The following PTCSC3 variants were observed in gnomAD, a reference collection of about 807,000 sequenced individuals.
The protein encoded by PTCSC3 is papillary thyroid carcinoma susceptibility candidate 3 (non-protein coding).
At chr14:36,172,905 G>A (rs1882214537) in intron 1 of PTCSC3, among the ~76,000 whole-genome samples, 1 of 151,722 alleles carries the variant, frequency 6.6e-6, no homozygotes. Context: ...TGATCATAAA[G>A]TAATTGGCTC....
intron 1 of PTCSC3, among the ~76,000 whole-genome samples, chr14:36,168,481 T>C (rs1882137718): frequency 6.6e-6 from 1 of 151,134 alleles, no homozygotes; most frequent in Admixed American, 6.6e-5. Flanking sequence ...CTAGTTAAGG[T>C]TGGAAGGATT....
At chr14:36,146,681 A>G (rs904059241) in intron 3 of PTCSC3, among the ~76,000 whole-genome samples, 3 of 151,886 alleles carry the variant, frequency 2.0e-5, no homozygotes, top group Admixed American at 2.0e-4. Context: ...TAATATTGTT[A>G]TGTGTGAATT....
chr14:36,137,869 A>T (rs1033640480), intron 3 of PTCSC3, among the ~76,000 whole-genome samples: 1 of 152,206 alleles, frequency 6.6e-6, no homozygotes, highest in Non-Finnish European at 1.5e-5. Context: ...GATGATGAGT[A>T]GATTATTGGC....
At chr14:36,170,384 C>CTT (rs1025586418) in intron 1 of PTCSC3, among the ~76,000 whole-genome samples, 1 of 152,054 alleles carries the variant, frequency 6.6e-6, no homozygotes, top group Non-Finnish European at 1.5e-5. Flanking sequence ...CAACCAGTTC[C>CTT]TTTAAGATTT....
At chr14:36,143,533 A>G (rs1366071868) in intron 3 of PTCSC3, among the ~76,000 whole-genome samples, 3 of 147,310 alleles carry the variant, frequency 2.0e-5, no homozygotes, top group African/African-American at 7.5e-5. Flanking sequence ...AATTTGCTTG[A>G]GTTCATTGTA....
chr14:36,164,592 TA>T (rs556270525), intron 1 of PTCSC3, among the ~76,000 whole-genome samples: 4,348 of 27,894 alleles, frequency 0.16, 153 homozygotes, highest in Admixed American at 0.32. Flanking sequence ...AACTATTTTT[TA>T]TTTTTTATAA....
chr14:36,136,583 G>A (rs1443580368), intron 3 of PTCSC3, among the ~76,000 whole-genome samples: 1 of 152,124 alleles, frequency 6.6e-6, no homozygotes, highest in African/African-American at 2.4e-5. Context: ...AGTAAGAATG[G>A]AAGTATGAGG....
chr14:36,147,150 C>T (rs1428229888), intron 3 of PTCSC3, among the ~76,000 whole-genome samples: 2 of 152,108 alleles, frequency 1.3e-5, no homozygotes, highest in African/African-American at 4.8e-5. Context: ...CTTGGAGTTG[C>T]TCTTCTGGAG....
intron 3 of PTCSC3, among the ~76,000 whole-genome samples, chr14:36,139,930 C>G (rs555954174): frequency 6.6e-6 from 1 of 152,304 alleles, no homozygotes; most frequent in South Asian, 2.1e-4. Context: ...TCCACCATTA[C>G]AATACCATAC....
intron 1 of PTCSC3, among the ~76,000 whole-genome samples, chr14:36,171,945 C>T (rs1882201803): frequency 6.6e-6 from 1 of 152,142 alleles, no homozygotes; most frequent in Non-Finnish European, 1.5e-5. Flanking sequence ...TGTTCTTTCT[C>T]TCCAACTAGA....
At chr14:36,153,986 A>G (rs1158248672) in intron 2 of PTCSC3, 4 of 151,046 alleles carry the variant, frequency 2.6e-5, no homozygotes, top group Admixed American at 6.6e-5. Context: ...GGGTCACCTG[A>G]GCCTGGGAGG....
At position 36,162,258 on chromosome 14, in the gene PTCSC3, G is replaced by GAAAAAAAAAA. The variant is rs58223160; in HGVS notation, n.231+356_231+365dup. On this transcript the variant is annotated intron_variant and non_coding_transcript_variant, in intron 2 of 3. Transcript: ENST00000556013. ...GCGTTCCAGGAGCTGCTGGGGTATGGAAAAAAAAAAAAAAAAAAAAAAAAA... is the reference window on the plus strand; with the variant it reads ...GCGTTCCAGGAGCTGCTGGGGTATGGAAAAAAAAAAAAAAAAAAAAAAAAAAAAAAAAAAA... Among the ~76,000 whole-genome samples, 321 of 106,508 alleles carry GAAAAAAAAAA rather than the reference G, an allele frequency of 3.0e-3. 6 individuals carry two copies. The highest frequency in any genetic ancestry group is 0.015 in the African/African-American group (302 of 20,746). The allele number at this position is 106,508 out of a possible 152,430, so 69.9% of individuals were successfully genotyped here.
chr14:36,146,014 G>A (rs1369901961), intron 3 of PTCSC3, among the ~76,000 whole-genome samples: 1 of 152,098 alleles, frequency 6.6e-6, no homozygotes, highest in East Asian at 1.9e-4. Flanking sequence ...TGATTGCACT[G>A]TGGTCTGAGA....
downstream of PTCSC3, among the ~76,000 whole-genome samples, chr14:36,135,345 T>C (rs1390662854): frequency 5.3e-5 from 8 of 152,158 alleles, no homozygotes; most frequent in African/African-American, 1.9e-4. Flanking sequence ...GGAAAACTTG[T>C]AGGAGTAAGA....
At chr14:36,135,698 A>G (rs1235512152), downstream of PTCSC3, among the ~76,000 whole-genome samples, 1 of 152,146 alleles carries the variant, frequency 6.6e-6, no homozygotes, top group Non-Finnish European at 1.5e-5. Flanking sequence ...AAAATGCACA[A>G]ACTTGTTATT....
intron 1 of PTCSC3, among the ~76,000 whole-genome samples, chr14:36,172,116 G>A (rs1349571784): frequency 6.6e-6 from 1 of 152,124 alleles, no homozygotes; most frequent in East Asian, 1.9e-4. Flanking sequence ...TCATTAGAAG[G>A]CTTTTGTGCC....
chr14:36,147,118 G>A (rs1039793293), intron 3 of PTCSC3, among the ~76,000 whole-genome samples: 3 of 152,014 alleles, frequency 2.0e-5, no homozygotes, highest in African/African-American at 7.3e-5. Context: ...TTTCGACTTT[G>A]GTGAATCTGA....
chr14:36,172,825 C>T (rs1235152044), intron 1 of PTCSC3, among the ~76,000 whole-genome samples: 2 of 152,098 alleles, frequency 1.3e-5, no homozygotes, highest in African/African-American at 4.8e-5. Context: ...TCTCCCATCT[C>T]AAAAAGCCTC....
At chr14:36,142,758 T>G (rs1224843934) in intron 3 of PTCSC3, among the ~76,000 whole-genome samples, 2 of 150,858 alleles carry the variant, frequency 1.3e-5, no homozygotes, top group African/African-American at 4.9e-5. Context: ...CTGCACCCAC[T>G]AACTCATCAT....
Sources: allele counts gnomAD v4.1 joint callset (sites outside exome capture counted in the v4.1 genomes callset), GRCh38; gene constraint gnomAD v4.1.1; transcripts MANE v1.5; gene names NCBI Gene and HGNC (gene_info 2026-07-23, HGNC 2026-07-21).